The following REV1 variants were observed in gnomAD, a reference collection of about 807,000 sequenced individuals.
REV1 encodes the protein REV1 DNA directed polymerase.
Under a neutral mutation model 137.4 loss-of-function variants are expected in REV1, and 42 were observed. That is an observed-to-expected ratio of 0.31 (90% CI 0.24 to 0.40). The LOEUF is 0.40. REV1 is among the 10% of genes least tolerant of loss of function. The pLI is 1.00. For missense variants in REV1, 1,282 were observed against 1,490.1 expected, an observed-to-expected ratio of 0.86 and a Z score of 2.30; for synonymous variants, 524 against 519.2, an observed-to-expected ratio of 1.01 and a Z score of -0.12.
chr2:99,413,580 T>A (rs981972819), intron 12 of REV1, among the ~76,000 whole-genome samples: 2 of 152,100 alleles, frequency 1.3e-5, no homozygotes, highest in Non-Finnish European at 2.9e-5. Flanking sequence ...TCTGAAGAGA[T>A]ATGAACTCTC....
At chr2:99,404,795 A>G in intron 17 of REV1, 118 bp from the exon 18 acceptor site, 1 of 751,778 alleles carries the variant, frequency 1.3e-6, no homozygotes, top group East Asian at 2.7e-5. Flanking sequence ...AATGTAAGGT[A>G]CAGACCATCA....
At chr2:99,430,756 G>A (rs1680011217) in intron 8 of REV1, among the ~76,000 whole-genome samples, 1 of 151,976 alleles carries the variant, frequency 6.6e-6, no homozygotes, top group South Asian at 2.1e-4. Context: ...TACTTCCTTT[G>A]CCACCTTTAG....
intron 12 of REV1, 110 bp downstream of exon 12, chr2:99,418,718 A>T (rs1575028891): frequency 9.7e-7 from 1 of 1,030,612 alleles, no homozygotes; most frequent in Non-Finnish European, 1.4e-6. Context: ...AGACTTAAAA[A>T]TTTTTATATT....
intron 3 of REV1, among the ~76,000 whole-genome samples, chr2:99,459,211 A>G (rs1683892722): frequency 6.6e-6 from 1 of 151,600 alleles, no homozygotes. Flanking sequence ...CTGTCTCAAA[A>G]AAAAAAAAAG....
intron 3 of REV1, among the ~76,000 whole-genome samples, chr2:99,451,918 G>T (rs1433000353): frequency 6.6e-6 from 1 of 151,980 alleles, no homozygotes. Flanking sequence ...GCTAACTGTT[G>T]GCATGCATGG....
intron 8 of REV1, among the ~76,000 whole-genome samples, chr2:99,432,111 A>C (rs1393796598): frequency 2.6e-5 from 4 of 152,208 alleles, no homozygotes; most frequent in Non-Finnish European, 5.9e-5. Context: ...AAATTGTTCC[A>C]AACAATGAGA....
chr2:99,426,969 G>C (rs1457388110), intron 9 of REV1, among the ~76,000 whole-genome samples: 1 of 152,268 alleles, frequency 6.6e-6, no homozygotes, highest in Non-Finnish European at 1.5e-5. Flanking sequence ...CGGGTCACGA[G>C]GTCAGGAGTT....
intron 1 of REV1, among the ~76,000 whole-genome samples, chr2:99,466,875 T>C (rs992444996): frequency 6.6e-6 from 1 of 152,124 alleles, no homozygotes; most frequent in African/African-American, 2.4e-5. Context: ...GTTAAATATT[T>C]CTCCTGTTTT....
intron 2 of REV1, 43 bp downstream of exon 2, chr2:99,464,875 ATAAC>A: frequency 6.5e-7 from 1 of 1,546,192 alleles, no homozygotes; most frequent in Non-Finnish European, 8.9e-7. Context: ...AGAATGAAAA[ATAAC>A]TAGACAGTTC....
At chr2:99,454,935 T>C (rs1414933697) in intron 3 of REV1, among the ~76,000 whole-genome samples, 1 of 152,122 alleles carries the variant, frequency 6.6e-6, no homozygotes, top group Non-Finnish European at 1.5e-5. Flanking sequence ...ACAAGTAAAA[T>C]GTCACAAGAG....
At chr2:99,407,994 CAA>C (rs752195637) in intron 15 of REV1, 33 bp downstream of exon 15, 4 of 1,341,870 alleles carry the variant, frequency 3.0e-6, no homozygotes, top group South Asian at 2.7e-5. Context: ...ATACATTACA[CAA>C]AGTCAGAATT....
intron 6 of REV1, 23 bp downstream of exon 6, chr2:99,438,578 A>C (rs1681062492): frequency 2.6e-6 from 4 of 1,553,760 alleles, no homozygotes; most frequent in Non-Finnish European, 3.5e-6. Flanking sequence ...TTTCTTAAGA[A>C]GACAATTTTA....
chr2:99,465,076 TAAATTC>T, intron 1 of REV1, 91 bp from the exon 2 acceptor site: 1 of 1,101,484 alleles, frequency 9.1e-7, no homozygotes, highest in Non-Finnish European at 1.3e-6. Flanking sequence ...AATGAGAAAT[TAAATTC>T]AAATGTCCAA....
At chr2:99,411,185 G>A (rs1677087862) in intron 13 of REV1, among the ~76,000 whole-genome samples, 1 of 152,056 alleles carries the variant, frequency 6.6e-6, no homozygotes. Context: ...CTACTCAGGA[G>A]GCTGAGGTAG....
At chr2:99,401,959 G>T (rs1675514641) in intron 22 of REV1, among the ~76,000 whole-genome samples, 1 of 152,048 alleles carries the variant, frequency 6.6e-6, no homozygotes, top group Non-Finnish European at 1.5e-5. Context: ...TTTTGGCCAG[G>T]CTGGTCTCAA....
At chr2:99,427,526 G>C (rs1679543239) in intron 9 of REV1, among the ~76,000 whole-genome samples, 1 of 152,122 alleles carries the variant, frequency 6.6e-6, no homozygotes, top group East Asian at 1.9e-4. Flanking sequence ...ATTAAGCTAT[G>C]TATAGTGAAA....
intron 1 of REV1, among the ~76,000 whole-genome samples, chr2:99,483,110 G>C (rs144176131): frequency 1.3e-5 from 2 of 151,658 alleles, no homozygotes; most frequent in African/African-American, 4.8e-5. Flanking sequence ...AACTGTCCAG[G>C]TTAAATGCTT....
chr2:99,429,477 T>A (rs1471467028), intron 9 of REV1, among the ~76,000 whole-genome samples: 2 of 152,146 alleles, frequency 1.3e-5, no homozygotes, highest in African/African-American at 2.4e-5. Flanking sequence ...ATTACAAGAT[T>A]TTTTCTTAGC....
chr2:99,402,182 T>A, intron 22 of REV1, 62 bp downstream of exon 22: 1 of 693,786 alleles, frequency 1.4e-6, no homozygotes, highest in Non-Finnish European at 2.5e-6. Flanking sequence ...AACAACTCAG[T>A]ACACCCTCAG....
Sources: gnomAD v4.1 joint callset for allele counts (sites outside exome capture counted in the v4.1 genomes callset) on GRCh38, gnomAD v4.1.1 for gene constraint, MANE v1.5 for transcripts, NCBI Gene and HGNC (gene_info 2026-07-23, HGNC 2026-07-21) for gene names.